ARMC1: variants seen among roughly 807,000 people sequenced by gnomAD.
ARMC1 encodes the protein armadillo repeat-containing protein 1.
ARMC1 carries 16 observed loss-of-function variants against 31.4 expected under a neutral mutation model. The ratio of observed to expected loss-of-function variants is 0.51; its 90% CI spans 0.34 to 0.77. The LOEUF (loss-of-function observed/expected upper bound fraction) is 0.77. Ranked by LOEUF, ARMC1 falls within the 30% of genes least tolerant of loss-of-function variation. The pLI is 0.01. For synonymous variants in ARMC1, 114 were observed against 118.9 expected (o/e 0.96, Z 0.27); for missense variants, 259 against 347.5 (o/e 0.75, Z 2.02).
chr8:65,621,562 G>A (rs7007473), intron 3 of ARMC1, among the ~76,000 whole-genome samples: 65,240 of 152,060 alleles, frequency 0.43, 15,451 homozygotes, highest in Non-Finnish European at 0.54. Flanking sequence ...AGGCTAGAGT[G>A]CAGTGGTGGG....
At chr8:65,628,092 C>T (rs1808552646) in intron 1 of ARMC1, among the ~76,000 whole-genome samples, 1 of 152,210 alleles carries the variant, frequency 6.6e-6, no homozygotes, top group South Asian at 2.1e-4. Flanking sequence ...TAGAATTTGA[C>T]ATAATTCATT....
At chr8:65,615,667 A>G (rs1563415021) in intron 3 of ARMC1, among the ~76,000 whole-genome samples, 2 of 152,218 alleles carry the variant, frequency 1.3e-5, no homozygotes, top group East Asian at 3.9e-4. Flanking sequence ...AGATCCTACG[A>G]CTGCACGCCA....
chr8:65,626,703 G>C (rs978931769), intron 2 of ARMC1, among the ~76,000 whole-genome samples: 6 of 152,074 alleles, frequency 3.9e-5, no homozygotes, highest in Non-Finnish European at 8.8e-5. Context: ...TCCATGCATG[G>C]AGTATGCAAC....
At chr8:65,627,529 G>A in intron 1 of ARMC1, 96 bp from the exon 2 acceptor site, 1 of 630,224 alleles carries the variant, frequency 1.6e-6, no homozygotes, top group South Asian at 5.5e-5. Flanking sequence ...GAAAGAATCA[G>A]GTAACTAAAA....
chr8:65,617,410 G>A (rs905800576), intron 3 of ARMC1, among the ~76,000 whole-genome samples: 21 of 152,236 alleles, frequency 1.4e-4, no homozygotes, highest in Non-Finnish European at 2.6e-4. Flanking sequence ...TTAAACAGAT[G>A]CTTGAAGGCA....
intron 4 of ARMC1, among the ~76,000 whole-genome samples, chr8:65,610,827 G>A (rs568585744): frequency 3.3e-5 from 5 of 152,070 alleles, no homozygotes; most frequent in South Asian, 4.1e-4. Context: ...CAACTAATTG[G>A]GTCATCTGTT....
At position 65,604,551 on chromosome 8, in the gene ARMC1, A is replaced by C. The variant is rs546386774; in HGVS notation, c.692T>G (p.Val231Gly). 4 of 1,613,942 alleles carry C rather than the reference A, an allele frequency of 2.5e-6. No homozygotes were observed. Among genetic ancestry groups the C allele is most frequent in the Non-Finnish European group, 3.4e-6 (4 of 1,180,016 alleles). ...GTCAGGTAGCTCTGTGTTCTGTTCA[A>C]CTTCCACAGGAGTATCTTGGAATGG... ...LVPFQDTPVE[V>G]EQNTELPDYL... Residue 231 changes from valine (V) to glycine (G), a missense_variant, in exon 7 of 7, where the codon GTT (valine) becomes GGT (glycine). Around this residue, in one of 3 missense-constraint regions of ARMC1, gnomAD observed 73 missense variants for 100.0 expected, o/e 0.73. Coordinates refer to ENST00000276569, the MANE Select transcript of ARMC1 (RefSeq NM_018120.6).
rs530545141 is a variant in ARMC1, at chr8:65,604,158, T to C, written c.*236A>G. On this transcript the variant is annotated 3_prime_UTR_variant, in exon 7 of 7. Coordinates refer to ENST00000276569, the MANE Select transcript of ARMC1 (RefSeq NM_018120.6). ...GGTTTTTAAATATGAGGCAATTAAA[T>C]GAAAGAAAACAAACCAAAATACTTT... The C allele has an allele frequency of 7.3e-5, 29 of 397,928 alleles. No homozygotes were observed. In the South Asian group the frequency reaches 1.2e-3, roughly 17 times the overall value. 24.6% of individuals were successfully genotyped at this position (397,928 alleles called of 1,614,324 possible). A position where few individuals can be genotyped will look rare whatever the true frequency, so the allele number is the denominator to read the frequency against.
At position 65,627,252 on chromosome 8, in the gene ARMC1, G is replaced by C; in HGVS notation, c.147C>G (p.Asp49Glu). 6.2e-7 allele frequency: 1 copy of C among 1,607,510 alleles called. No homozygotes were observed. Among genetic ancestry groups the C allele is most frequent in the South Asian group, 1.1e-5 (1 of 90,248 alleles). The change falls in exon 2 of 7, where the codon GAC (aspartate) becomes GAG (glutamate). Residue 49 changes from aspartate to glutamate, a missense_variant. Transcript: ENST00000276569. ...AGTGGACGACTGGAGGGTTGGGATG[G>C]TCCATAAATAAAATAAGGCCAGGCA... ...GCLPGLILFM[D>E]HPNPPVVHSA...
At chr8:65,606,076 G>C (rs1356032121) in intron 4 of ARMC1, among the ~76,000 whole-genome samples, 1 of 152,120 alleles carries the variant, frequency 6.6e-6, no homozygotes, top group East Asian at 1.9e-4. Flanking sequence ...ATAAAGAAAA[G>C]GTTTGGCCAG....
chr8:65,608,037 A>G (rs1808040864), intron 4 of ARMC1, among the ~76,000 whole-genome samples: 1 of 152,152 alleles, frequency 6.6e-6, no homozygotes, highest in Non-Finnish European at 1.5e-5. Context: ...TAATAATGTC[A>G]CTGGATTTTT....
intron 1 of ARMC1, among the ~76,000 whole-genome samples, chr8:65,631,403 T>G (rs1406208379): frequency 1.3e-5 from 2 of 152,190 alleles, no homozygotes; most frequent in Non-Finnish European, 1.5e-5. Flanking sequence ...CCCGGCTAAT[T>G]TTTTATTTTT....
rs183390544 is a variant in ARMC1 at position 65,616,981 on chromosome 8, C to T, written c.276-3548G>A. 6.4e-3 allele frequency among the ~76,000 whole-genome samples: 968 copies of T among 151,120 alleles called. 3 individuals carry two copies. Among genetic ancestry groups the T allele is most frequent in the South Asian group, 0.023 (110 of 4,796 alleles). On this transcript the variant is annotated intron_variant, in intron 3 of 6. Transcript: ENST00000276569. The stretch of plus-strand genomic sequence containing the variant: ...GTGAGGAGCGTCTCCGCCCGGCAGC[C>T]GCCCCATCCAGGAGGGAGGCGGGGG...
In ARMC1 at chr8:65,622,346, T is replaced by C; in HGVS notation, c.192A>G (p.Arg64=). The C allele has an allele frequency of 6.2e-7, 1 of 1,613,812 alleles. No homozygotes were observed. Among genetic ancestry groups the C allele is most frequent in the Non-Finnish European group, 8.5e-7 (1 of 1,179,746 alleles). ...PVVHSALLAL[R]YLAECRANRE... ...TGTTTGCACGGCATTCTGCCAAGTATCGAAGAGCCTACAGCAGAAGAAGTA... is the reference window on the plus strand; with the variant it reads ...TGTTTGCACGGCATTCTGCCAAGTACCGAAGAGCCTACAGCAGAAGAAGTA... The change falls in exon 3 of 7, where the codon CGA becomes CGG. Residue 64 remains arginine (R), a synonymous_variant. Transcript: ENST00000276569.
chr8:65,611,400 T>C (rs976998530), intron 4 of ARMC1, among the ~76,000 whole-genome samples: 11 of 152,146 alleles, frequency 7.2e-5, no homozygotes, highest in African/African-American at 2.7e-4. Context: ...GGTTTTTCTC[T>C]ATTGTTTTTC....
At chr8:65,613,115 T>C in intron 4 of ARMC1, 129 bp downstream of exon 4, 3 of 645,158 alleles carry the variant, frequency 4.7e-6, no homozygotes, top group Non-Finnish European at 7.3e-6. Context: ...CTGACCTCTT[T>C]AGCACAAAAT....
intron 2 of ARMC1, among the ~76,000 whole-genome samples, chr8:65,626,667 T>A (rs2129044003): frequency 6.6e-6 from 1 of 152,272 alleles, no homozygotes; most frequent in East Asian, 1.9e-4. Flanking sequence ...TCAAGATTGT[T>A]AAATGAAAAG....
chr8:65,606,059 T>C (rs540127983), intron 4 of ARMC1, among the ~76,000 whole-genome samples: 1 of 152,256 alleles, frequency 6.6e-6, no homozygotes, highest in South Asian at 2.1e-4. Context: ...ATTTACTTTC[T>C]GGTCCTATAA....
chr8:65,623,178 G>GT (rs1808430895), intron 2 of ARMC1, among the ~76,000 whole-genome samples: 1 of 147,370 alleles, frequency 6.8e-6, no homozygotes, highest in Non-Finnish European at 1.5e-5. Flanking sequence ...CATGGTGGCA[G>GT]GTGCCTGTAA....
Sources: gnomAD v4.1 joint callset for allele counts (sites outside exome capture counted in the v4.1 genomes callset) on GRCh38, gnomAD v4.1.1 for gene constraint, gnomAD v4.1.1 regional missense constraint, MANE v1.5 for transcripts, NCBI Gene and HGNC (gene_info 2026-07-23, HGNC 2026-07-21) for gene names.